MPP7: variants seen among roughly 807,000 people sequenced by gnomAD.
MPP7 encodes the protein MAGUK p55 scaffold protein 7.
Under a neutral mutation model 76.5 loss-of-function variants are expected in MPP7, and 60 were observed. That is an observed-to-expected ratio of 0.78 (90% CI 0.64 to 0.97). The LOEUF is 0.97. Ranked by LOEUF, MPP7 falls within the 50% of genes least tolerant of loss-of-function variation. The pLI is 0.00. For missense variants in MPP7, 641 were observed against 694.0 expected (o/e 0.92, Z 0.86); for synonymous variants, 237 against 244.5 (o/e 0.97, Z 0.29).
Position 28,124,125 on chromosome 10 carries a change from T to C in MPP7, c.530-9A>G, listed in dbSNP as rs759156425. On this transcript the variant is annotated splice_polypyrimidine_tract_variant and intron_variant, in intron 7 of 16. Transcript: ENST00000683449. ...ACCAACATGAATAAGACCTGAGAAA[T>C]AGGAGATTTGGTAAATTAGCAGTGT... 5.9e-5 allele frequency: 93 copies of C among 1,587,504 alleles called. No homozygotes were observed. Among genetic ancestry groups the C allele is most frequent in the Non-Finnish European group, 7.7e-5 (89 of 1,156,362 alleles).
At chr10:28,176,990 A>G (rs1217427699) in intron 3 of MPP7, among the ~76,000 whole-genome samples, 3 of 151,572 alleles carry the variant, frequency 2.0e-5, no homozygotes, top group South Asian at 2.1e-4. Context: ...ACAAACCTGC[A>G]CATTGTGCAC....
chr10:28,211,603 G>C (rs1391474233), intron 2 of MPP7, among the ~76,000 whole-genome samples: 2 of 152,012 alleles, frequency 1.3e-5, no homozygotes, highest in South Asian at 2.1e-4. Flanking sequence ...ATCTCATAAG[G>C]AAATGTATTC....
intron 2 of MPP7, among the ~76,000 whole-genome samples, chr10:28,234,135 G>A (rs1336861629): frequency 6.6e-6 from 1 of 152,126 alleles, no homozygotes; most frequent in Admixed American, 6.5e-5. Context: ...GACTGGGGCA[G>A]GAAATACACA....
At chr10:28,087,196 C>T (rs1270923540) in intron 12 of MPP7, among the ~76,000 whole-genome samples, 1 of 152,170 alleles carries the variant, frequency 6.6e-6, no homozygotes, top group African/African-American at 2.4e-5. Flanking sequence ...ACTCCTGCTT[C>T]CTCTCTCTCC....
At chr10:28,227,464 C>T (rs989474424) in intron 2 of MPP7, among the ~76,000 whole-genome samples, 23 of 152,042 alleles carry the variant, frequency 1.5e-4, no homozygotes, top group African/African-American at 4.6e-4. Context: ...CTCTCCCTTC[C>T]CCCACCCCCA....
intron 3 of MPP7, among the ~76,000 whole-genome samples, chr10:28,157,062 T>G (rs1318073364): frequency 6.6e-6 from 1 of 151,730 alleles, no homozygotes; most frequent in African/African-American, 2.4e-5. Context: ...ATACTAAAAT[T>G]AGCCAGGTGT....
At chr10:28,145,272 T>C (rs1188459238) in intron 5 of MPP7, among the ~76,000 whole-genome samples, 4 of 152,094 alleles carry the variant, frequency 2.6e-5, no homozygotes, top group Non-Finnish European at 5.9e-5. Context: ...TCCTTTTCAG[T>C]CCAATGAATT....
chr10:28,081,016 G>C (rs1173157793), intron 12 of MPP7, among the ~76,000 whole-genome samples: 1 of 152,200 alleles, frequency 6.6e-6, no homozygotes, highest in Non-Finnish European at 1.5e-5. Flanking sequence ...AATAGTGACA[G>C]TCTTATAATA....
chr10:28,080,346 C>T (rs1039936022), intron 12 of MPP7, among the ~76,000 whole-genome samples: 1 of 151,996 alleles, frequency 6.6e-6, no homozygotes, highest in Non-Finnish European at 1.5e-5. Context: ...GCTAAGTAGA[C>T]GGGGGCATGA....
chr10:28,070,494 A>C (rs1336207347), intron 12 of MPP7, among the ~76,000 whole-genome samples: 1 of 152,232 alleles, frequency 6.6e-6, no homozygotes, highest in African/African-American at 2.4e-5. Flanking sequence ...GCAGATAGTG[A>C]AAATGTCAAT....
chr10:28,159,339 C>T (rs535730930), intron 3 of MPP7, among the ~76,000 whole-genome samples: 1 of 152,192 alleles, frequency 6.6e-6, no homozygotes, highest in African/African-American at 2.4e-5. Context: ...GTGCTTATAT[C>T]TACTGATAAT....
At chr10:28,168,625 T>G (rs1425420359) in intron 3 of MPP7, among the ~76,000 whole-genome samples, 2 of 152,128 alleles carry the variant, frequency 1.3e-5, no homozygotes, top group Non-Finnish European at 2.9e-5. Context: ...TTCACACCAT[T>G]CTCCTGCCTC....
In MPP7 at chr10:28,309,882, C is replaced by A. The variant is rs186476774; in HGVS notation, c.-132+20047G>T. Among the ~76,000 whole-genome samples, 297 of 151,962 alleles carry A rather than the reference C, an allele frequency of 2.0e-3. 1 individual carries two copies. Among genetic ancestry groups the A allele is most frequent in the African/African-American group, 6.9e-3 (285 of 41,386 alleles). On this transcript the variant is annotated intron_variant, in intron 2 of 11. Coordinates refer to the MPP7 transcript ENST00000441595. ...GCTCCAGCTGTCATCACATGATATG[C>A]CTGATCCCCTTTCCCCTTCTGCCAT...
intron 2 of MPP7, among the ~76,000 whole-genome samples, chr10:28,323,098 A>C (rs1834381139): frequency 6.6e-6 from 1 of 152,104 alleles, no homozygotes; most frequent in Non-Finnish European, 1.5e-5. Flanking sequence ...CATCCTGGCT[A>C]ACACGGTGAA....
intron 14 of MPP7, among the ~76,000 whole-genome samples, chr10:28,059,060 C>T (rs965730697): frequency 3.3e-5 from 5 of 151,976 alleles, no homozygotes; most frequent in Admixed American, 1.3e-4. Flanking sequence ...GCGCCAAACA[C>T]GAAAAAAGCA....
chr10:28,175,161 G>A (rs1240999298), intron 3 of MPP7, among the ~76,000 whole-genome samples: 1 of 151,910 alleles, frequency 6.6e-6, no homozygotes, highest in South Asian at 2.1e-4. Flanking sequence ...GTGGTGATGC[G>A]CACCTATAGT....
chr10:28,068,587 A>G (rs1162839693), intron 13 of MPP7, among the ~76,000 whole-genome samples: 1 of 152,188 alleles, frequency 6.6e-6, no homozygotes, highest in Non-Finnish European at 1.5e-5. Context: ...CCACTTTTAT[A>G]AAAATAAATC....
intron 1 of MPP7, among the ~76,000 whole-genome samples, chr10:28,259,355 G>A (rs1379622217): frequency 6.6e-6 from 1 of 151,970 alleles, no homozygotes; most frequent in Admixed American, 6.6e-5. Context: ...TAGGCCAGCG[G>A]ATTGCTTGAG....
At chr10:28,317,093 A>G (rs1834331856) in intron 2 of MPP7, among the ~76,000 whole-genome samples, 1 of 152,226 alleles carries the variant, frequency 6.6e-6, no homozygotes, top group Non-Finnish European at 1.5e-5. Flanking sequence ...TCACTGATGA[A>G]GTCAATATCC....
Sources: allele counts gnomAD v4.1 joint callset (sites outside exome capture counted in the v4.1 genomes callset), GRCh38; gene constraint gnomAD v4.1.1; transcripts MANE v1.5; gene names NCBI Gene and HGNC (gene_info 2026-07-23, HGNC 2026-07-21).